The following XRCC4 variants were observed in gnomAD, a reference collection of about 807,000 sequenced individuals.
XRCC4 encodes the protein DNA repair protein XRCC4.
XRCC4 carries 28 observed loss-of-function variants against 39.1 expected under a neutral mutation model. That is an observed-to-expected ratio of 0.72 (90% CI 0.53 to 0.98). The LOEUF (loss-of-function observed/expected upper bound fraction) is 0.98. XRCC4 is among the 50% of genes least tolerant of loss of function. The pLI, the probability that XRCC4 is intolerant of heterozygous loss-of-function variation, is 0.00. For synonymous variants in XRCC4, 123 were observed against 126.4 expected, an observed-to-expected ratio of 0.97 and a Z score of 0.18; for missense variants, 350 against 376.4, an observed-to-expected ratio of 0.93 and a Z score of 0.58.
At chr5:83,157,336 TG>T (rs907429140) in intron 3 of XRCC4, among the ~76,000 whole-genome samples, 13 of 152,110 alleles carry the variant, frequency 8.5e-5, no homozygotes, top group African/African-American at 3.1e-4. Flanking sequence ...GTCGGATGCC[TG>T]AAAAGTTACT....
At chr5:83,191,960 G>A (rs1750715648) in intron 3 of XRCC4, among the ~76,000 whole-genome samples, 1 of 152,134 alleles carries the variant, frequency 6.6e-6, no homozygotes, top group African/African-American at 2.4e-5. Context: ...TGGTAAGGGA[G>A]TATGGCATTT....
chr5:83,215,201 T>G (rs1751811445), intron 6 of XRCC4, among the ~76,000 whole-genome samples: 1 of 151,698 alleles, frequency 6.6e-6, no homozygotes, highest in African/African-American at 2.4e-5. Flanking sequence ...TAGCCAGGCA[T>G]AGTGGAGCAT....
intron 6 of XRCC4, among the ~76,000 whole-genome samples, chr5:83,242,458 T>C (rs1403217978): frequency 1.3e-5 from 2 of 152,068 alleles, no homozygotes; most frequent in Non-Finnish European, 2.9e-5. Context: ...TTATTATTAT[T>C]TTTTTGCCAC....
intron 3 of XRCC4, among the ~76,000 whole-genome samples, chr5:83,133,165 G>C (rs114074236): frequency 0.016 from 2,390 of 151,892 alleles, 61 homozygotes; most frequent in African/African-American, 0.054. Context: ...TCCGGACTCT[G>C]TTTGCCTGGG....
intron 6 of XRCC4, among the ~76,000 whole-genome samples, chr5:83,232,149 A>G (rs1752518554): frequency 6.6e-6 from 1 of 152,068 alleles, no homozygotes; most frequent in Non-Finnish European, 1.5e-5. Context: ...GTGTCTCTAT[A>G]AAATATTTTC....
At chr5:83,235,790 T>G (rs1346746597) in intron 6 of XRCC4, among the ~76,000 whole-genome samples, 1 of 152,148 alleles carries the variant, frequency 6.6e-6, no homozygotes, top group East Asian at 1.9e-4. Context: ...ATTAGCCTTG[T>G]TTGCATGAGA....
At chr5:83,352,384 A>G (rs1241494180) in intron 7 of XRCC4, among the ~76,000 whole-genome samples, 1 of 152,224 alleles carries the variant, frequency 6.6e-6, no homozygotes, top group Non-Finnish European at 1.5e-5. Context: ...CAAGGATATT[A>G]ACACACACTC....
At position 83,186,941 on chromosome 5, in the gene XRCC4, ATTT is replaced by A. The variant is rs770811313; in HGVS notation, c.316-8811_316-8809del. Among the ~76,000 whole-genome samples, 20 of 87,494 alleles carry A rather than the reference ATTT, an allele frequency of 2.3e-4. 3 individuals carry two copies. The highest frequency in any genetic ancestry group is 1.2e-3 in the African/African-American group (20 of 16,638). 57.4% of individuals were successfully genotyped at this position (87,494 alleles called of 152,430 possible). A position where few individuals can be genotyped will look rare whatever the true frequency, so the allele number is the denominator to read the frequency against. ...TTTTGGCTCATGGCCTGCTTCTTCCATTTTTTTTTTTTTTTTTTTTGAGACGGA... is the reference window on the plus strand; with the variant it reads ...TTTTGGCTCATGGCCTGCTTCTTCCATTTTTTTTTTTTTTTTTGAGACGGA... On this transcript the variant is annotated intron_variant, in intron 3 of 7. Transcript: ENST00000396027.
chr5:83,272,531 T>TA (rs1390872098), intron 7 of XRCC4, among the ~76,000 whole-genome samples: 1 of 152,124 alleles, frequency 6.6e-6, no homozygotes, highest in Non-Finnish European at 1.5e-5. Flanking sequence ...ATCTAGGTGT[T>TA]ACGCCCCGTA....
At chr5:83,081,528 C>T (rs988047947) in intron 1 of XRCC4, among the ~76,000 whole-genome samples, 2 of 152,096 alleles carry the variant, frequency 1.3e-5, no homozygotes, top group Admixed American at 6.5e-5. Flanking sequence ...AGAGTTTCAG[C>T]TGCCCTTGTC....
chr5:83,309,296 A>AAAAAAAAAAT (rs1561467702), intron 7 of XRCC4, among the ~76,000 whole-genome samples: 3 of 72,212 alleles, frequency 4.2e-5, no homozygotes, highest in African/African-American at 1.7e-4. Flanking sequence ...AAAAAAAAAA[A>AAAAAAAAAAT]ATATATATAT....
In XRCC4 at chr5:83,353,347, A is replaced by G. The variant is rs1757141321; in HGVS notation, c.*105A>G. The stretch of plus-strand genomic sequence containing the variant: ...TCAGCAGCCGCTATTACCGTATCTT[A>G]CAATTTAATTACATACACAGTGAAT... On this transcript the variant is annotated 3_prime_UTR_variant, in exon 8 of 8. Coordinates refer to ENST00000396027, the MANE Select transcript of XRCC4 (RefSeq NM_003401.5). 1.2e-6 allele frequency: 1 copy of G among 858,444 alleles called. No homozygotes were observed. The highest frequency in any genetic ancestry group is 1.8e-6 in the Non-Finnish European group (1 of 556,410). The allele number at this position is 858,444 out of a possible 1,614,324, so 53.2% of individuals were successfully genotyped here.
downstream of XRCC4, among the ~76,000 whole-genome samples, chr5:83,358,505 T>A (rs1377219803): frequency 6.6e-6 from 1 of 152,152 alleles, no homozygotes; most frequent in African/African-American, 2.4e-5. Flanking sequence ...CACAAGCAGC[T>A]AAACTTTCTA....
chr5:83,232,026 T>A (rs1752514095), intron 6 of XRCC4, among the ~76,000 whole-genome samples: 1 of 152,114 alleles, frequency 6.6e-6, no homozygotes, highest in African/African-American at 2.4e-5. Flanking sequence ...TCAGCCTAGT[T>A]TAAATCTGTT....
chr5:83,083,578 A>C (rs1384466604), intron 1 of XRCC4, among the ~76,000 whole-genome samples: 3 of 151,918 alleles, frequency 2.0e-5, no homozygotes, highest in African/African-American at 7.3e-5. Context: ...GGGTTTCACC[A>C]TGTTGGCCAG....
At chr5:83,280,726 A>G in intron 7 of XRCC4, 1 of 194,010 alleles carries the variant, frequency 5.2e-6, no homozygotes. Context: ...CTTCCCCAAA[A>G]GGCCCCACCT....
chr5:83,098,147 A>G (rs529124026), intron 1 of XRCC4, among the ~76,000 whole-genome samples: 1 of 152,256 alleles, frequency 6.6e-6, no homozygotes, highest in South Asian at 2.1e-4. Flanking sequence ...AATGGCAGCA[A>G]CTGGCATTCC....
intron 6 of XRCC4, among the ~76,000 whole-genome samples, chr5:83,254,110 T>TAA (rs369384570): frequency 2.8e-5 from 4 of 143,050 alleles, no homozygotes; most frequent in Admixed American, 1.4e-4. Flanking sequence ...GTCTTCTATT[T>TAA]AAAAAAAAAA....
At chr5:83,354,318 A>C (rs1419612167), downstream of XRCC4, among the ~76,000 whole-genome samples, 1 of 152,156 alleles carries the variant, frequency 6.6e-6, no homozygotes, top group East Asian at 1.9e-4. Flanking sequence ...TAAAAGTTTG[A>C]GTGTGCTGGG....
Sources: gnomAD v4.1 joint callset for allele counts (sites outside exome capture counted in the v4.1 genomes callset) on GRCh38, gnomAD v4.1.1 for gene constraint, MANE v1.5 for transcripts, NCBI Gene and HGNC (gene_info 2026-07-23, HGNC 2026-07-21) for gene names.